KCNMA1: variants seen among roughly 807,000 people sequenced by gnomAD.
KCNMA1 encodes the protein potassium calcium-activated channel subfamily M alpha 1.
In KCNMA1, 29 loss-of-function variants were observed where a neutral mutation model predicts 140.0. The ratio of observed to expected loss-of-function variants is 0.21; its 90% CI spans 0.15 to 0.28. The LOEUF (loss-of-function observed/expected upper bound fraction) is 0.28. KCNMA1 is among the 10% of genes least tolerant of loss of function. KCNMA1 has a pLI of 1.00. For missense variants in KCNMA1, 880 were observed against 1,602.2 expected, an observed-to-expected ratio of 0.55 and a Z score of 7.70; for synonymous variants, 612 against 611.9, an observed-to-expected ratio of 1.00 and a Z score of 0.00.
chr10:77,127,726 A>G (rs757726034), intron 5 of KCNMA1, among the ~76,000 whole-genome samples: 5 of 152,170 alleles, frequency 3.3e-5, no homozygotes, highest in Non-Finnish European at 5.9e-5. Context: ...TTATCCCAGC[A>G]CTTTGGGAGG....
At chr10:77,364,964 A>G (rs893494748) in intron 2 of KCNMA1, among the ~76,000 whole-genome samples, 1 of 152,226 alleles carries the variant, frequency 6.6e-6, no homozygotes, top group Non-Finnish European at 1.5e-5. Context: ...GTCCTTTTCC[A>G]TTTGAGTCAT....
intron 1 of KCNMA1, among the ~76,000 whole-genome samples, chr10:77,417,383 T>C (rs1345426255): frequency 2.0e-5 from 3 of 152,166 alleles, no homozygotes; most frequent in African/African-American, 7.2e-5. Context: ...ATTGAGTAAA[T>C]TAAATCTCTG....
At chr10:76,971,757 C>T (rs951937742) in intron 19 of KCNMA1, among the ~76,000 whole-genome samples, 3 of 151,952 alleles carry the variant, frequency 2.0e-5, no homozygotes, top group Admixed American at 1.3e-4. Flanking sequence ...AATGAGTATC[C>T]AAAGCAAATC....
chr10:77,374,464 G>A (rs2094947183), intron 2 of KCNMA1, among the ~76,000 whole-genome samples: 1 of 152,162 alleles, frequency 6.6e-6, no homozygotes, highest in Non-Finnish European at 1.5e-5. Flanking sequence ...AACATGCCAG[G>A]GCCATTTACA....
At chr10:76,900,567 A>T (rs1336482239) in intron 25 of KCNMA1, among the ~76,000 whole-genome samples, 4 of 152,160 alleles carry the variant, frequency 2.6e-5, no homozygotes, top group Non-Finnish European at 5.9e-5. Flanking sequence ...AAAGGCAAAA[A>T]ATGTAGCCAC....
intron 9 of KCNMA1, among the ~76,000 whole-genome samples, chr10:77,104,578 C>T (rs920934189): frequency 6.6e-6 from 1 of 152,184 alleles, no homozygotes. Context: ...AACACCTGGG[C>T]CTAGGATTGC....
At chr10:77,412,493 G>A (rs573313547) in intron 1 of KCNMA1, among the ~76,000 whole-genome samples, 1 of 152,304 alleles carries the variant, frequency 6.6e-6, no homozygotes, top group South Asian at 2.1e-4. Flanking sequence ...GGGGGCAGGG[G>A]GAAGCCTTCT....
intron 9 of KCNMA1, among the ~76,000 whole-genome samples, chr10:77,102,331 G>A (rs1405986741): frequency 6.6e-6 from 1 of 152,200 alleles, no homozygotes; most frequent in Non-Finnish European, 1.5e-5. Flanking sequence ...TGGAGGAAAT[G>A]GAGTGGAATT....
chr10:77,411,525 A>T (rs2096618201), intron 1 of KCNMA1, among the ~76,000 whole-genome samples: 1 of 152,164 alleles, frequency 6.6e-6, no homozygotes, highest in Non-Finnish European at 1.5e-5. Flanking sequence ...CACAGTGTGA[A>T]TTTAAATCCA....
rs368038655 is a variant in KCNMA1 at position 77,200,729 on chromosome 10, T to G, written c.603-15813A>C. On this transcript the variant is annotated intron_variant, in intron 3 of 27. Transcript: ENST00000286628. ...AATTATAGTTAGAATCGACATAAAA[T>G]GAACATATTTCAGTACCTCAAATAG... Among the ~76,000 whole-genome samples, 62 of 152,092 alleles carry G rather than the reference T, an allele frequency of 4.1e-4. No individual in the cohort carries two copies. The South Asian group carries it at 0.013, about 32-fold the overall frequency.
chr10:77,421,236 C>G (rs912935537), intron 1 of KCNMA1, among the ~76,000 whole-genome samples: 2 of 152,208 alleles, frequency 1.3e-5, no homozygotes, highest in African/African-American at 2.4e-5. Flanking sequence ...CTTCTTCACA[C>G]AGTCATATTC....
At chr10:77,393,395 A>T (rs1358092732) in intron 2 of KCNMA1, among the ~76,000 whole-genome samples, 1 of 152,240 alleles carries the variant, frequency 6.6e-6, no homozygotes. Flanking sequence ...AATAACAAAA[A>T]TAATAATAAC....
intron 2 of KCNMA1, among the ~76,000 whole-genome samples, chr10:77,393,798 C>T (rs993473813): frequency 2.0e-5 from 3 of 152,256 alleles, no homozygotes; most frequent in Non-Finnish European, 4.4e-5. Context: ...AGTAGGAGCT[C>T]TAGTTCAGAT....
At chr10:76,889,080 CA>C (rs570930445) in intron 27 of KCNMA1, among the ~76,000 whole-genome samples, 178 of 135,072 alleles carry the variant, frequency 1.3e-3, no homozygotes, top group African/African-American at 4.8e-3. Context: ...AAACAAAAAA[CA>C]AAAAAACAAA....
intron 2 of KCNMA1, among the ~76,000 whole-genome samples, chr10:77,295,654 G>T (rs12049739): frequency 6.7e-6 from 1 of 150,168 alleles, no homozygotes; most frequent in Non-Finnish European, 1.5e-5. Flanking sequence ...GGTGGCGGGC[G>T]CCTGTAGTCC....
chr10:77,523,227 A>G (rs2054190974), intron 1 of KCNMA1, among the ~76,000 whole-genome samples: 1 of 134,268 alleles, frequency 7.4e-6, no homozygotes. Flanking sequence ...CAATCACACC[A>G]CAGAACCGCA....
intron 1 of KCNMA1, among the ~76,000 whole-genome samples, chr10:77,543,254 C>G (rs373212977): frequency 6.6e-6 from 1 of 152,258 alleles, no homozygotes; most frequent in East Asian, 1.9e-4. Context: ...AGTCTGACCA[C>G]CCTCATCTCC....
chr10:77,486,650 C>T (rs1174359057), intron 1 of KCNMA1, among the ~76,000 whole-genome samples: 3 of 152,224 alleles, frequency 2.0e-5, no homozygotes, highest in Non-Finnish European at 4.4e-5. Context: ...ATGATGGGTA[C>T]AGCCGGCTTA....
chr10:77,447,186 A>C (rs377150546), intron 1 of KCNMA1, among the ~76,000 whole-genome samples: 4 of 152,190 alleles, frequency 2.6e-5, no homozygotes, highest in East Asian at 1.9e-4. Context: ...GTACAGAAGC[A>C]CAGCAATTTG....
Sources: allele counts gnomAD v4.1 joint callset (sites outside exome capture counted in the v4.1 genomes callset), GRCh38; gene constraint gnomAD v4.1.1; transcripts MANE v1.5; gene names NCBI Gene and HGNC (gene_info 2026-07-23, HGNC 2026-07-21).